The following VPS13C variants were observed in gnomAD, a reference collection of about 807,000 sequenced individuals.
The protein encoded by VPS13C is intermembrane lipid transfer protein VPS13C.
A neutral mutation model predicts 456.8 loss-of-function variants in VPS13C; 358 were observed. That is an observed-to-expected ratio of 0.78 (90% confidence interval 0.72 to 0.86). The LOEUF (loss-of-function observed/expected upper bound fraction) is 0.86, where lower values mean the gene tolerates loss of function less well. Among genes scored for constraint, VPS13C ranks in the 40% least tolerant of loss-of-function variants. VPS13C has a pLI of 0.00. For synonymous variants in VPS13C, 1,578 were observed against 1,486.7 expected (o/e 1.06, Z -1.41); for missense variants, 4,818 against 4,385.4 (o/e 1.10, Z -2.79).
intron 1 of VPS13C, among the ~76,000 whole-genome samples, chr15:62,049,442 T>C (rs1336755833): frequency 1.3e-5 from 2 of 152,230 alleles, no homozygotes; most frequent in African/African-American, 2.4e-5. Context: ...CTGAGGGCTC[T>C]GTTCTGTTCC....
At position 61,872,068 on chromosome 15, in the gene VPS13C, A is replaced by C. The variant is rs145106201; in HGVS notation, c.10579-34T>G. On this transcript the variant is annotated intron_variant, in intron 78 of 84. Coordinates refer to ENST00000644861, the MANE Select transcript of VPS13C (RefSeq NM_020821.3). ...GAAATCAATCATATAGTTTAGACTG[A>C]ATGGAAGGTGTTTAATTTTAAACCA... 2.9e-3 allele frequency: 4,672 copies of C among 1,593,288 alleles called. 12 individuals are homozygous for C. Among genetic ancestry groups the C allele is most frequent in the Non-Finnish European group, 3.6e-3 (4,180 of 1,166,880 alleles).
intron 22 of VPS13C, among the ~76,000 whole-genome samples, chr15:61,979,737 T>C (rs995985013): frequency 2.0e-5 from 3 of 152,288 alleles, no homozygotes; most frequent in Non-Finnish European, 2.9e-5. Context: ...CAATTCTGAC[T>C]GAAAAATTAA....
Position 61,853,095 on chromosome 15 carries a change from C to G in VPS13C, c.*1362G>C, listed in dbSNP as rs1306485084. Reference sequence around the variant, plus strand: ...AAAGTTTTAATAGTTTATCTCTGATCAAGGATGGAGAAAGGACAAAAAAAA... The same window carrying G: ...AAAGTTTTAATAGTTTATCTCTGATGAAGGATGGAGAAAGGACAAAAAAAA... On this transcript the variant is annotated 3_prime_UTR_variant, in exon 85 of 85. Coordinates refer to ENST00000644861, the MANE Select transcript of VPS13C (RefSeq NM_020821.3). 9.9e-5 allele frequency: 15 copies of G among 151,960 alleles called. No homozygotes were observed. The highest frequency in any genetic ancestry group is 9.8e-4 in the Admixed American group (15 of 15,256). The allele number at this position is 151,960 out of a possible 1,614,324, so 9.4% of individuals were successfully genotyped here. A position where few individuals can be genotyped will look rare whatever the true frequency, so the allele number is the denominator to read the frequency against.
intron 24 of VPS13C, among the ~76,000 whole-genome samples, chr15:61,975,264 G>A (rs540652931): frequency 4.2e-4 from 64 of 151,688 alleles, no homozygotes; most frequent in Non-Finnish European, 5.7e-4. Flanking sequence ...GTAAAAGAAA[G>A]AAATAATAAA....
chr15:61,911,598 C>T (rs190084927), intron 63 of VPS13C, among the ~76,000 whole-genome samples: 27 of 152,000 alleles, frequency 1.8e-4, no homozygotes, highest in Admixed American at 1.2e-3. Context: ...TACATAGCTA[C>T]GTTCTACACA....
chr15:61,946,616 C>A (rs2044614225), intron 43 of VPS13C, among the ~76,000 whole-genome samples: 1 of 150,252 alleles, frequency 6.7e-6, no homozygotes, highest in South Asian at 2.1e-4. Context: ...ACACAGGCAT[C>A]TCCTCCAAAA....
At chr15:61,863,974 CT>C (rs1169060182) in intron 81 of VPS13C, 1 of 152,024 alleles carries the variant, frequency 6.6e-6, no homozygotes, top group Non-Finnish European at 1.5e-5. Flanking sequence ...AGTTCTAAAA[CT>C]TTTTTCAGGG....
At chr15:62,010,316 G>C (rs1453877517) in intron 13 of VPS13C, among the ~76,000 whole-genome samples, 156 bp downstream of exon 13, 1 of 152,044 alleles carries the variant, frequency 6.6e-6, no homozygotes, top group East Asian at 1.9e-4. Context: ...ACTTAAATTT[G>C]AAATTCATTT....
chr15:62,027,381 T>C (rs2047674698), intron 6 of VPS13C, among the ~76,000 whole-genome samples: 1 of 152,090 alleles, frequency 6.6e-6, no homozygotes, highest in African/African-American at 2.4e-5. Context: ...GCCATGAGTA[T>C]CTCCATGCTA....
At chr15:62,017,694 G>C (rs375936881) in intron 9 of VPS13C, among the ~76,000 whole-genome samples, 342 of 151,750 alleles carry the variant, frequency 2.3e-3, no homozygotes, top group Non-Finnish European at 4.0e-3. Context: ...TGTAGCCTTG[G>C]AGTATAGTTT....
chr15:61,969,597 T>C (rs1019641352), intron 27 of VPS13C, 145 bp from the exon 28 acceptor site: 7 of 424,666 alleles, frequency 1.6e-5, no homozygotes, highest in East Asian at 3.7e-5. Flanking sequence ...TTTAATATAA[T>C]TGGAAATTAC....
chr15:61,942,677 A>T (rs2044470127), intron 45 of VPS13C, among the ~76,000 whole-genome samples: 1 of 152,052 alleles, frequency 6.6e-6, no homozygotes, highest in Non-Finnish European at 1.5e-5. Flanking sequence ...AAAACAGAAA[A>T]ATCTTTCCCA....
In VPS13C at chr15:61,941,713, G is replaced by A. The variant is rs1318813598; in HGVS notation, c.5453+50C>T. On this transcript the variant is annotated intron_variant, in intron 46 of 84. Transcript: ENST00000644861. ...ATTTTACCTTAGGTAAAAATTGTAT[G>A]AAAATCCTATTTCTAGTAAGCAATA... 8 of 1,507,264 alleles carry A rather than the reference G, an allele frequency of 5.3e-6. No homozygotes were observed. The East Asian group carries it at 1.8e-4, about 34-fold the overall frequency. The allele number at this position is 1,507,264 out of a possible 1,614,324, so 93.4% of individuals were successfully genotyped here.
At chr15:61,954,338 A>C (rs1335435623) in intron 38 of VPS13C, 83 bp downstream of exon 38, 3 of 1,461,812 alleles carry the variant, frequency 2.1e-6, no homozygotes, top group Non-Finnish European at 2.8e-6. Flanking sequence ...ATCAGTATCA[A>C]TTATCTGTAA....
In VPS13C at chr15:61,881,828, C is replaced by T; in HGVS notation, c.9625G>A (p.Val3209Ile). The T allele has an allele frequency of 6.3e-7, 1 of 1,578,834 alleles. No homozygotes were observed. The highest frequency in any genetic ancestry group is 8.5e-7 in the Non-Finnish European group (1 of 1,171,154). ...SLRARLYWLQ[V>I]DNQLPGAMFP... ...ATTGCACCTGGTAACTGATTATCAA[C>T]CTGAAAGAAAAGAAAACGAACTTAT... Residue 3209 changes from valine (V) to isoleucine (I), a missense_variant and splice_region_variant, in exon 70 of 85, where the codon GTT (valine) becomes ATT (isoleucine). Transcript: ENST00000644861.
At chr15:61,855,791 A>C (rs1185016109) in intron 83 of VPS13C, among the ~76,000 whole-genome samples, 1 of 152,116 alleles carries the variant, frequency 6.6e-6, no homozygotes, top group Non-Finnish European at 1.5e-5. Context: ...TTTCAAAGAA[A>C]GTTAAGTACT....
intron 12 of VPS13C, 82 bp from the exon 13 acceptor site, chr15:62,010,681 A>G: frequency 7.7e-7 from 1 of 1,304,416 alleles, no homozygotes; most frequent in Non-Finnish European, 1.0e-6. Flanking sequence ...GAACACTGTT[A>G]CTCTAGAAGT....
intron 45 of VPS13C, among the ~76,000 whole-genome samples, chr15:61,944,770 A>C (rs1009021807): frequency 1.3e-5 from 2 of 152,184 alleles, no homozygotes; most frequent in Non-Finnish European, 2.9e-5. Flanking sequence ...CTGAATCTAA[A>C]ATAGTTGGAT....
In VPS13C at chr15:62,007,418, A is replaced by G. The variant is rs1417174676; in HGVS notation, c.1180T>C (p.Ser394Pro). 10 of 1,612,912 alleles carry G rather than the reference A, an allele frequency of 6.2e-6. No individual in the cohort carries two copies. Among genetic ancestry groups the G allele is most frequent in the African/African-American group, 2.7e-5 (2 of 74,922 alleles). The change falls in exon 15 of 85, where the codon TCA (serine) becomes CCA (proline). Residue 394 changes from serine to proline, a missense_variant. Ser to Pro is a moderately conservative substitution (Grantham distance 74). This residue lies in a region of VPS13C where 4,552 missense variants were observed against 4,130.6 expected (regional missense o/e 1.10). Coordinates refer to ENST00000644861, the MANE Select transcript of VPS13C (RefSeq NM_020821.3). ...CTGTGCTTTTTTATGTTACTCCATG[A>G]CCACATCTGTGTATACCTTCTTATA... ...VHIRRYTQMW[S>P]WSNIKKHRQL... is the part of the protein sequence containing the mutation.
Sources: gnomAD v4.1 joint callset for allele counts (sites outside exome capture counted in the v4.1 genomes callset) on GRCh38, gnomAD v4.1.1 for gene constraint, gnomAD v4.1.1 regional missense constraint, MANE v1.5 for transcripts, NCBI Gene and HGNC (gene_info 2026-07-23, HGNC 2026-07-21) for gene names.